NOL10: variants seen among roughly 807,000 people sequenced by gnomAD.
NOL10 encodes nucleolar protein 10.
A neutral mutation model predicts 103.5 loss-of-function variants in NOL10; 58 were observed. That is an observed-to-expected ratio of 0.56 (90% CI 0.45 to 0.70). NOL10 has a LOEUF of 0.70. Ranked by LOEUF, NOL10 falls within the 30% of genes least tolerant of loss-of-function variation. The pLI is 0.00. For missense variants in NOL10, 763 were observed against 807.3 expected, an observed-to-expected ratio of 0.95 and a Z score of 0.67; for synonymous variants, 287 against 282.5, an observed-to-expected ratio of 1.02 and a Z score of -0.16.
intron 19 of NOL10, among the ~76,000 whole-genome samples, chr2:10,586,226 A>G (rs1335503154): frequency 6.6e-6 from 1 of 152,276 alleles, no homozygotes; most frequent in Non-Finnish European, 1.5e-5. Flanking sequence ...TGAATATACT[A>G]AACACCAGTG....
rs71392244 is a variant in NOL10 at position 10,607,172 on chromosome 2, A to AT, written c.1153+12dup. On this transcript the variant is annotated intron_variant, in intron 14 of 20. Transcript: ENST00000381685. ...AGTAATTACATAATATTTCATCACAATTTTTTTTTTACCTAAATTTTCAAG... is the reference window on the plus strand; with the variant it reads ...AGTAATTACATAATATTTCATCACAATTTTTTTTTTTACCTAAATTTTCAAG... 99,753 of 1,337,018 alleles carry AT rather than the reference A, an allele frequency of 0.075. 2,507 individuals carry two copies. Among genetic ancestry groups the AT allele is most frequent in the Admixed American group, 0.17 (7,524 of 43,602 alleles). 82.8% of individuals were successfully genotyped at this position (1,337,018 alleles called of 1,614,324 possible). A position where few individuals can be genotyped will look rare whatever the true frequency, so the allele number is the denominator to read the frequency against.
rs1572211875 is a variant in NOL10, at chr2:10,571,929, T to G, written c.*142A>C. 6 of 1,016,768 alleles carry G rather than the reference T, an allele frequency of 5.9e-6. No individual in the cohort carries two copies. The highest frequency in any genetic ancestry group is 5.6e-6 in the Non-Finnish European group (4 of 708,978). The allele number at this position is 1,016,768 out of a possible 1,614,324, so 63.0% of individuals were successfully genotyped here. A position where few individuals can be genotyped will look rare whatever the true frequency, so the allele number is the denominator to read the frequency against. ...CAAAGTCCAACCCACAAGGCACAGG[T>G]TTTCAAATCTTTACCTCTGTGTACA... On this transcript the variant is annotated 3_prime_UTR_variant, in exon 21 of 21. Transcript: ENST00000381685.
chr2:10,635,611 C>A (rs562183838), intron 13 of NOL10, among the ~76,000 whole-genome samples: 1 of 152,312 alleles, frequency 6.6e-6, no homozygotes, highest in African/African-American at 2.4e-5. Flanking sequence ...TAGGAAGCCA[C>A]TGAACCCTGC....
chr2:10,675,730 A>T, intron 4 of NOL10, 64 bp downstream of exon 4: 2 of 912,392 alleles, frequency 2.2e-6, no homozygotes, highest in Admixed American at 5.6e-5. Flanking sequence ...TCTCATTTTA[A>T]AACCAGAAAA....
At chr2:10,640,927 G>A (rs1678656238) in intron 13 of NOL10, among the ~76,000 whole-genome samples, 2 of 152,176 alleles carry the variant, frequency 1.3e-5, no homozygotes, top group South Asian at 4.1e-4. Flanking sequence ...GCTCATGCCT[G>A]TAATCCCAGC....
intron 12 of NOL10, among the ~76,000 whole-genome samples, chr2:10,652,783 C>T (rs1242995008): frequency 6.6e-6 from 1 of 152,192 alleles, no homozygotes; most frequent in Non-Finnish European, 1.5e-5. Flanking sequence ...TTTCTATCTA[C>T]AGACCTGCTT....
At chr2:10,680,928 T>TA (rs1311013890) in intron 3 of NOL10, among the ~76,000 whole-genome samples, 1 of 152,222 alleles carries the variant, frequency 6.6e-6, no homozygotes, top group Non-Finnish European at 1.5e-5. Context: ...TGTAAAATCT[T>TA]AGAGATATTT....
At chr2:10,633,730 C>G (rs1052170141) in intron 13 of NOL10, among the ~76,000 whole-genome samples, 1 of 151,788 alleles carries the variant, frequency 6.6e-6, no homozygotes, top group Non-Finnish European at 1.5e-5. Context: ...AAATAATGAG[C>G]CACTGGAAGG....
chr2:10,581,985 C>A (rs759733122), intron 19 of NOL10, among the ~76,000 whole-genome samples: 12 of 152,138 alleles, frequency 7.9e-5, no homozygotes, highest in Non-Finnish European at 1.8e-4. Flanking sequence ...ACAGGAGAGG[C>A]TTTAACCTTC....
At chr2:10,632,971 A>T (rs1677941415) in intron 13 of NOL10, among the ~76,000 whole-genome samples, 1 of 152,088 alleles carries the variant, frequency 6.6e-6, no homozygotes, top group Non-Finnish European at 1.5e-5. Context: ...ACTAGGCCTA[A>T]ATTAAAATTT....
At chr2:10,660,989 A>G (rs1261688323) in intron 9 of NOL10, among the ~76,000 whole-genome samples, 3 of 151,960 alleles carry the variant, frequency 2.0e-5, no homozygotes, top group Admixed American at 1.3e-4. Context: ...AAAAAACCCT[A>G]GTTTTAACAC....
intron 12 of NOL10, among the ~76,000 whole-genome samples, chr2:10,650,821 A>C (rs1220193008): frequency 6.6e-6 from 1 of 152,186 alleles, no homozygotes; most frequent in Non-Finnish European, 1.5e-5. Context: ...TGCGTAGTTG[A>C]ATTATCAGCA....
rs559016365 is a variant in NOL10 at position 10,689,954 on chromosome 2, C to T, written c.-93G>A. On this transcript the variant is annotated 5_prime_UTR_variant, in exon 1 of 21. Transcript: ENST00000381685. ...GGACCTCCGAGCCCCTGCTCCGCGG[C>T]GTGCGGCCGCTGGCGCCGACTGATG... is the stretch of plus-strand genomic sequence containing the variant. 3.2e-6 allele frequency: 4 copies of T among 1,234,226 alleles called. No homozygotes were observed. Among genetic ancestry groups the T allele is most frequent in the East Asian group, 5.2e-5 (2 of 38,220 alleles). The allele number at this position is 1,234,226 out of a possible 1,614,324, so 76.5% of individuals were successfully genotyped here.
intron 20 of NOL10, among the ~76,000 whole-genome samples, chr2:10,576,025 C>T (rs1323906340): frequency 6.6e-6 from 1 of 152,066 alleles, no homozygotes; most frequent in Admixed American, 6.5e-5. Context: ...CCTGGATGCA[C>T]GTTGGGAAAA....
At chr2:10,580,327 A>G (rs1322780468) in intron 19 of NOL10, among the ~76,000 whole-genome samples, 1 of 152,098 alleles carries the variant, frequency 6.6e-6, no homozygotes, top group Non-Finnish European at 1.5e-5. Flanking sequence ...GCAGAGGAGG[A>G]TGGCAGAATT....
At chr2:10,645,532 CTTT>C (rs33945473) in intron 12 of NOL10, among the ~76,000 whole-genome samples, 26 of 131,688 alleles carry the variant, frequency 2.0e-4, no homozygotes, top group South Asian at 2.4e-4. Context: ...TCAATACTAT[CTTT>C]TTTTTTTTTT....
At chr2:10,581,163 C>T (rs1442101145) in intron 19 of NOL10, among the ~76,000 whole-genome samples, 3 of 152,124 alleles carry the variant, frequency 2.0e-5, no homozygotes, top group Non-Finnish European at 4.4e-5. Context: ...ATAGGCATAA[C>T]GAAGATGTAA....
At chr2:10,653,465 A>G (rs960683076) in intron 12 of NOL10, among the ~76,000 whole-genome samples, 5 of 152,146 alleles carry the variant, frequency 3.3e-5, no homozygotes, top group African/African-American at 1.2e-4. Context: ...CTTTTGTCCA[A>G]AACCAATCTA....
In NOL10 at chr2:10,625,369, CAT is replaced by C. The variant is rs144204236; in HGVS notation, c.1027-18060_1027-18059del. 5.0e-4 allele frequency among the ~76,000 whole-genome samples: 76 copies of C among 152,166 alleles called. 2 individuals are homozygous for C. The East Asian group carries it at 0.013, about 26-fold the overall frequency. ...GGTGAGGGAGCGTGTGGGGGAGGGA[CAT>C]AAGAACTCTGTACTTTCCACTCAAT... On this transcript the variant is annotated intron_variant, in intron 13 of 20. Transcript: ENST00000381685.
Sources: allele counts gnomAD v4.1 joint callset (sites outside exome capture counted in the v4.1 genomes callset), GRCh38; gene constraint gnomAD v4.1.1; transcripts MANE v1.5; gene names NCBI Gene and HGNC (gene_info 2026-07-23, HGNC 2026-07-21).